ENOX1: variants seen among roughly 807,000 people sequenced by gnomAD.
ENOX1 encodes the protein ecto-NOX disulfide-thiol exchanger 1.
In ENOX1, 42 loss-of-function variants were observed where a neutral mutation model predicts 82.5. The ratio of observed to expected loss-of-function variants is 0.51; its 90% CI spans 0.40 to 0.66. ENOX1 has a LOEUF of 0.66. ENOX1 is among the 30% of genes least tolerant of loss of function. The pLI is 0.00. For missense variants in ENOX1, 608 were observed against 811.6 expected (o/e 0.75, Z 3.05); for synonymous variants, 271 against 282.2 (o/e 0.96, Z 0.40).
chr13:43,375,035 T>C (rs2051521074), intron 5 of ENOX1, among the ~76,000 whole-genome samples: 1 of 152,196 alleles, frequency 6.6e-6, no homozygotes, highest in Non-Finnish European at 1.5e-5. Context: ...CCAAACTGTA[T>C]GATGGACGTT....
chr13:43,652,954 T>C (rs532947417), intron 2 of ENOX1, among the ~76,000 whole-genome samples: 19 of 152,304 alleles, frequency 1.2e-4, no homozygotes, highest in Admixed American at 2.6e-4. Flanking sequence ...GAAAAGGTCA[T>C]GGCAAAGTCA....
chr13:43,613,352 A>G (rs918421035), intron 2 of ENOX1, among the ~76,000 whole-genome samples: 1 of 152,192 alleles, frequency 6.6e-6, no homozygotes, highest in Non-Finnish European at 1.5e-5. Flanking sequence ...GATGGTGAAA[A>G]TGTTCTAAAA....
intron 1 of ENOX1, among the ~76,000 whole-genome samples, chr13:43,720,533 G>A (rs1205939141): frequency 6.6e-6 from 1 of 152,132 alleles, no homozygotes; most frequent in Non-Finnish European, 1.5e-5. Flanking sequence ...CTCAGTGCTG[G>A]TGTTATGGGC....
At chr13:43,473,961 C>T (rs1254854789) in intron 3 of ENOX1, among the ~76,000 whole-genome samples, 3 of 152,128 alleles carry the variant, frequency 2.0e-5, no homozygotes, top group East Asian at 3.9e-4. Context: ...TTCTGGGCTA[C>T]AGCACCAATA....
chr13:43,715,921 G>C (rs1328769973), intron 1 of ENOX1, among the ~76,000 whole-genome samples: 1 of 151,686 alleles, frequency 6.6e-6, no homozygotes, highest in Non-Finnish European at 1.5e-5. Context: ...CTCCTTTAAG[G>C]ACTTCTCTGC....
rs1594125919 is a variant in ENOX1, at chr13:43,618,730, G to A, written c.-219+48749C>T. On this transcript the variant is annotated intron_variant, in intron 2 of 16. Transcript: ENST00000690772. ...TTTGGTTATGAGGGCTCTTTTTTTG[G>A]TTCCATATGAATTCTAGAATTGTTT... Among the ~76,000 whole-genome samples the A allele has an allele frequency of 2.6e-5, 4 of 152,020 alleles. No individual in the cohort carries two copies. The South Asian group carries it at 6.3e-4, about 24-fold the overall frequency.
chr13:43,600,206 T>A (rs949216078), intron 2 of ENOX1, among the ~76,000 whole-genome samples: 1 of 152,090 alleles, frequency 6.6e-6, no homozygotes, highest in African/African-American at 2.4e-5. Context: ...AGTGGCACAG[T>A]GGGATAGAGC....
chr13:43,662,318 C>T (rs1362059014), intron 2 of ENOX1, among the ~76,000 whole-genome samples: 1 of 152,114 alleles, frequency 6.6e-6, no homozygotes, highest in Admixed American at 6.6e-5. Context: ...AGATCTGCAA[C>T]TGAGAAGTCT....
In ENOX1 at chr13:43,415,513, A is replaced by G. The variant is rs191076199; in HGVS notation, c.-74-2525T>C. ...GCACATCTTGCACCACCCTTAATCC[A>G]TTTAACCCTGAGTTGACACAGCACA... On this transcript the variant is annotated intron_variant, in intron 3 of 16. Transcript: ENST00000690772. 3.9e-4 allele frequency among the ~76,000 whole-genome samples: 59 copies of G among 152,228 alleles called. 1 individual carries two copies. The highest frequency in any genetic ancestry group is 3.5e-3 in the Admixed American group (54 of 15,292).
At chr13:43,603,373 T>G (rs940732227) in intron 2 of ENOX1, among the ~76,000 whole-genome samples, 3 of 149,602 alleles carry the variant, frequency 2.0e-5, no homozygotes, top group Non-Finnish European at 3.0e-5. Flanking sequence ...CTTTTATTTA[T>G]TTTATTTATT....
intron 3 of ENOX1, among the ~76,000 whole-genome samples, chr13:43,468,795 T>C (rs2057859661): frequency 6.6e-6 from 1 of 152,220 alleles, no homozygotes; most frequent in Non-Finnish European, 1.5e-5. Flanking sequence ...CAATGATGCT[T>C]TGCAGTTTTC....
At position 43,304,400 on chromosome 13, in the gene ENOX1, GTGGCTC is replaced by G. The variant is rs1435743490; in HGVS notation, c.1262-5876_1262-5871del. Among the ~76,000 whole-genome samples, 6 of 152,190 alleles carry G rather than the reference GTGGCTC, an allele frequency of 3.9e-5. No homozygotes were observed. In the East Asian group the frequency reaches 1.2e-3, roughly 29 times the overall value. On this transcript the variant is annotated intron_variant, in intron 11 of 16. Transcript: ENST00000690772. ...AGGTTGCTGGTTGGAGGTAAAAGGT[GTGGCTC>G]TAGGACTATATTCCTCCATGTAATG...
At chr13:43,711,400 T>C (rs978731513) in intron 1 of ENOX1, among the ~76,000 whole-genome samples, 3 of 152,204 alleles carry the variant, frequency 2.0e-5, no homozygotes, top group African/African-American at 7.2e-5. Flanking sequence ...TGTGTCTTTA[T>C]AGCAGCAAGA....
intron 1 of ENOX1, among the ~76,000 whole-genome samples, chr13:43,758,228 T>C (rs532780432): frequency 1.3e-5 from 2 of 150,978 alleles, no homozygotes; most frequent in Non-Finnish European, 1.5e-5. Context: ...AGAGTGAGAC[T>C]CCTCTCAAAA....
rs552287187 is a variant in ENOX1, at chr13:43,655,031, A to T, written c.-219+12448T>A. On this transcript the variant is annotated intron_variant, in intron 2 of 16. Coordinates refer to ENST00000690772, the MANE Select transcript of ENOX1 (RefSeq NM_001347969.2). ...CACACCTCTGCTCCTCCCTTTCTTC[A>T]CTCTGTGACACAGAATGCTCATCCA... is the stretch of plus-strand genomic sequence containing the variant. Among the ~76,000 whole-genome samples, 7 of 151,760 alleles carry T rather than the reference A, an allele frequency of 4.6e-5. No homozygotes were observed. The South Asian group carries it at 6.3e-4, about 14-fold the overall frequency.
chr13:43,306,577 C>G (rs1050100377), intron 11 of ENOX1, among the ~76,000 whole-genome samples: 1 of 152,176 alleles, frequency 6.6e-6, no homozygotes, highest in Non-Finnish European at 1.5e-5. Context: ...GGGCTTGGCT[C>G]TGTGTGACTT....
rs2041265926 is a variant in ENOX1, at chr13:43,213,172, C to T, written c.*818G>A. ...TTATTGAAAAAAATTAATATCTTTG[C>T]TATAAAATTTGTAACAGGAATATTT... On this transcript the variant is annotated 3_prime_UTR_variant, in exon 17 of 17. Transcript: ENST00000690772. Among the ~76,000 whole-genome samples the T allele has an allele frequency of 6.6e-6, 1 of 152,016 alleles. No homozygotes were observed. The highest frequency in any genetic ancestry group is 1.5e-5 in the Non-Finnish European group (1 of 67,962).
At chr13:43,679,852 T>C (rs2085698603) in intron 1 of ENOX1, among the ~76,000 whole-genome samples, 2 of 152,364 alleles carry the variant, frequency 1.3e-5, no homozygotes, top group South Asian at 4.1e-4. Context: ...TGGAAACAAA[T>C]GCCCAAAAGA....
In ENOX1 at chr13:43,460,793, C is replaced by CAAAAAAAAAAAA. The variant is rs1312983530; in HGVS notation, c.-75+23204_-75+23215dup. 6.6e-4 allele frequency among the ~76,000 whole-genome samples: 17 copies of CAAAAAAAAAAAA among 25,726 alleles called. 3 individuals are homozygous for CAAAAAAAAAAAA. Among genetic ancestry groups the CAAAAAAAAAAAA allele is most frequent in the South Asian group, 2.2e-3 (1 of 458 alleles). 16.9% of individuals were successfully genotyped at this position (25,726 alleles called of 152,430 possible). The stretch of plus-strand genomic sequence containing the variant: ...CGGGCGACAGAGCGAGACTCCATCT[C>CAAAAAAAAAAAA]AAAAAAAAAAAAAAAAAAAAAAAAA... On this transcript the variant is annotated intron_variant, in intron 3 of 16. Transcript: ENST00000690772.
Sources: allele counts gnomAD v4.1 joint callset (sites outside exome capture counted in the v4.1 genomes callset), GRCh38; gene constraint gnomAD v4.1.1; transcripts MANE v1.5; gene names NCBI Gene and HGNC (gene_info 2026-07-23, HGNC 2026-07-21).